The following SPPL3 variants were observed in gnomAD, a reference collection of about 807,000 sequenced individuals.
SPPL3 encodes signal peptide peptidase like 3.
SPPL3 carries 5 observed loss-of-function variants against 42.4 expected under a neutral mutation model. The ratio of observed to expected loss-of-function variants is 0.12; its 90% confidence interval spans 0.06 to 0.25. The LOEUF (loss-of-function observed/expected upper bound fraction) is 0.25. SPPL3 is among the 10% of genes least tolerant of loss of function. The pLI is 1.00. For missense variants in SPPL3, 235 were observed against 489.0 expected (o/e 0.48, Z 4.90); for synonymous variants, 195 against 181.8 (o/e 1.07, Z -0.58).
chr12:120,810,476 ACT>A (rs1425585884), intron 2 of SPPL3, among the ~76,000 whole-genome samples: 1 of 151,654 alleles, frequency 6.6e-6, no homozygotes, highest in Non-Finnish European at 1.5e-5. Flanking sequence ...TTCCATTTAA[ACT>A]CTTTGTTCCC....
At chr12:120,778,185 C>T (rs1001421444) in intron 6 of SPPL3, among the ~76,000 whole-genome samples, 47 of 119,156 alleles carry the variant, frequency 3.9e-4, no homozygotes, top group Non-Finnish European at 2.4e-4. Context: ...GGTGTGATCT[C>T]GGCTCACTGC....
chr12:120,821,986 A>C (rs1481095066), intron 1 of SPPL3, among the ~76,000 whole-genome samples: 1 of 133,614 alleles, frequency 7.5e-6, no homozygotes, highest in African/African-American at 2.7e-5. Flanking sequence ...ATGTGAAATA[A>C]ACCAGAAAAA....
In SPPL3 at chr12:120,782,692, G is replaced by A. The variant is rs985067847; in HGVS notation, c.465C>T (p.Leu155=). 10 of 1,611,708 alleles carry A rather than the reference G, an allele frequency of 6.2e-6. No homozygotes were observed. The highest frequency in any genetic ancestry group is 2.7e-5 in the African/African-American group (2 of 74,878). The change falls in exon 6 of 11, where the codon CTC becomes CTT. Residue 155 remains leucine, a synonymous_variant. Transcript: ENST00000353487. ...LSFSLSVMLV[L]IWVLTGHWLL... ...GCCAATGGCCAGTGAGAACCCAGATGAGGACGAGCATGACAGACAGAGAGA... is the reference window on the plus strand; with the variant it reads ...GCCAATGGCCAGTGAGAACCCAGATAAGGACGAGCATGACAGACAGAGAGA...
intron 1 of SPPL3, among the ~76,000 whole-genome samples, chr12:120,821,912 C>A (rs2137009714): frequency 6.6e-6 from 1 of 152,114 alleles, no homozygotes; most frequent in East Asian, 1.9e-4. Context: ...TATTATTCAT[C>A]CTTAAAAAAG....
intron 3 of SPPL3, among the ~76,000 whole-genome samples, chr12:120,790,394 C>T (rs953600990): frequency 6.6e-6 from 1 of 152,190 alleles, no homozygotes; most frequent in African/African-American, 2.4e-5. Flanking sequence ...CTAAGATACA[C>T]AATAAGTGAT....
chr12:120,862,646 T>C (rs1300651490), intron 1 of SPPL3, among the ~76,000 whole-genome samples: 2 of 152,166 alleles, frequency 1.3e-5, no homozygotes, highest in Non-Finnish European at 2.9e-5. Flanking sequence ...AAAGTTTCCA[T>C]GCCTTCGGTG....
At chr12:120,900,942 A>AAAAAG (rs1873963869) in intron 1 of SPPL3, among the ~76,000 whole-genome samples, 1 of 151,062 alleles carries the variant, frequency 6.6e-6, no homozygotes, top group African/African-American at 2.4e-5. Flanking sequence ...AAAAAAAAAA[A>AAAAAG]GTAATCAACT....
intron 1 of SPPL3, among the ~76,000 whole-genome samples, chr12:120,833,687 A>G (rs1050841119): frequency 5.2e-5 from 7 of 134,800 alleles, no homozygotes; most frequent in African/African-American, 1.8e-4. Flanking sequence ...AAAAGAAAAA[A>G]AAAAAAAGGA....
intron 1 of SPPL3, among the ~76,000 whole-genome samples, chr12:120,874,881 C>A (rs1021780092): frequency 3.9e-5 from 6 of 152,138 alleles, no homozygotes; most frequent in Non-Finnish European, 8.8e-5. Context: ...TGACACTAGT[C>A]AAGGCTGGGT....
intron 1 of SPPL3, among the ~76,000 whole-genome samples, chr12:120,894,298 T>C (rs1873733517): frequency 6.6e-6 from 1 of 152,018 alleles, no homozygotes; most frequent in Non-Finnish European, 1.5e-5. Context: ...CACTCCAGCC[T>C]GGGCAACAAG....
chr12:120,779,400 T>C (rs1869445009), intron 6 of SPPL3, among the ~76,000 whole-genome samples: 1 of 152,022 alleles, frequency 6.6e-6, no homozygotes, highest in Admixed American at 6.6e-5. Flanking sequence ...AAGTCTGGAG[T>C]AGCTTTGTGG....
Position 120,768,398 on chromosome 12 carries a change from T to G in SPPL3, c.700A>C (p.Lys234Gln). Reference protein sequence around the residue: ...ADNPLDVLSRKLHLGPNVGRD... With the variant: ...ADNPLDVLSRQLHLGPNVGRD... The stretch of plus-strand genomic sequence containing the variant: ...CCAACATTGGGCCCCAGGTGGAGCT[T>G]CCGGGATAGAACGTCAAGGGGATTG... The change falls in exon 8 of 11, where the codon AAG (lysine) becomes CAG (glutamine). Residue 234 changes from lysine (K) to glutamine (Q), a missense_variant. Lys to Gln is a moderately conservative substitution (Grantham distance 53). Transcript: ENST00000353487. The G allele has an allele frequency of 1.9e-6, 3 of 1,614,142 alleles. No homozygotes were observed. Among genetic ancestry groups the G allele is most frequent in the Non-Finnish European group, 2.5e-6 (3 of 1,180,014 alleles).
intron 2 of SPPL3, among the ~76,000 whole-genome samples, chr12:120,806,001 C>CA (rs745362379): frequency 7.5e-6 from 1 of 132,966 alleles, no homozygotes. Flanking sequence ...TCCCTGCAGG[C>CA]TTTTTTTTTT....
Position 120,781,468 on chromosome 12 carries a change from CAT to C in SPPL3, c.502+1185_502+1186del, listed in dbSNP as rs758167012. ...CGTACATAATGCAGGTTATATATAA[CAT>C]GTTATATTACATATACTACATATAT... On this transcript the variant is annotated intron_variant, in intron 6 of 10. Coordinates refer to ENST00000353487, the MANE Select transcript of SPPL3 (RefSeq NM_139015.5). 8.2e-4 allele frequency among the ~76,000 whole-genome samples: 104 copies of C among 126,388 alleles called. No individual in the cohort carries two copies. In the South Asian group the frequency reaches 0.028, roughly 34 times the overall value. 82.9% of individuals were successfully genotyped at this position (126,388 alleles called of 152,430 possible).
At position 120,794,343 on chromosome 12, in the gene SPPL3, A is replaced by C. The variant is rs74653454; in HGVS notation, c.102-2786T>G. Among the ~76,000 whole-genome samples the C allele has an allele frequency of 3.7e-4, 57 of 152,158 alleles. No individual in the cohort carries two copies. In the East Asian group the frequency reaches 0.01, roughly 27 times the overall value. Reference sequence around the variant, plus strand: ...TTGGCTTTATAGTGTGCTTCTTGTAAGCAGCATATATTTGGGTCTTGCTTT... The same window carrying C: ...TTGGCTTTATAGTGTGCTTCTTGTACGCAGCATATATTTGGGTCTTGCTTT... On this transcript the variant is annotated intron_variant, in intron 2 of 10. Transcript: ENST00000353487.
intron 1 of SPPL3, among the ~76,000 whole-genome samples, chr12:120,880,574 G>C (rs1393210679): frequency 6.6e-6 from 1 of 151,878 alleles, no homozygotes; most frequent in Admixed American, 6.6e-5. Flanking sequence ...AGATCATGAG[G>C]TCAGGAGATG....
intron 1 of SPPL3, 122 bp from the exon 2 acceptor site, chr12:120,811,008 TA>T: frequency 1.7e-6 from 1 of 589,448 alleles, no homozygotes; most frequent in South Asian, 2.7e-5. Flanking sequence ...GGAAAAAAGG[TA>T]TAAATTAGCA....
chr12:120,822,130 A>G (rs1871091302), intron 1 of SPPL3, among the ~76,000 whole-genome samples: 1 of 152,152 alleles, frequency 6.6e-6, no homozygotes, highest in African/African-American at 2.4e-5. Context: ...ATGCATACAG[A>G]GTTTCTGTTT....
chr12:120,790,479 T>C (rs749680119), intron 3 of SPPL3, among the ~76,000 whole-genome samples: 1 of 152,214 alleles, frequency 6.6e-6, no homozygotes, highest in African/African-American at 2.4e-5. Context: ...TAGCATTTCC[T>C]CTCTCTTAGG....
Sources: gnomAD v4.1 joint callset for allele counts (sites outside exome capture counted in the v4.1 genomes callset) on GRCh38, gnomAD v4.1.1 for gene constraint, MANE v1.5 for transcripts, NCBI Gene and HGNC (gene_info 2026-07-23, HGNC 2026-07-21) for gene names.